The following KLHL7 variants were observed in gnomAD, a reference collection of about 807,000 sequenced individuals.
KLHL7 encodes the protein kelch-like protein 7.
In KLHL7, 44 loss-of-function variants were observed where a neutral mutation model predicts 67.4. That is an observed-to-expected ratio of 0.65 (90% CI 0.51 to 0.84). The LOEUF is 0.84. Ranked by LOEUF, KLHL7 falls within the 40% of genes least tolerant of loss-of-function variation. KLHL7 has a pLI of 0.00. For missense variants in KLHL7, 362 were observed against 718.1 expected (o/e 0.50, Z 5.67); for synonymous variants, 252 against 243.3 (o/e 1.04, Z -0.33).
At chr7:23,124,935 A>T (rs1415635180) in intron 3 of KLHL7, 113 bp from the exon 4 acceptor site, 5 of 1,157,878 alleles carry the variant, frequency 4.3e-6, no homozygotes, top group Non-Finnish European at 6.4e-6. Flanking sequence ...TAATTCAAGG[A>T]CTGAAAGTTT....
intron 7 of KLHL7, 48 bp downstream of exon 7, chr7:23,152,257 G>A (rs757343335): frequency 6.5e-7 from 1 of 1,548,114 alleles, no homozygotes; most frequent in African/African-American, 1.4e-5. Context: ...TGAAATCACT[G>A]AACACATAAG....
At chr7:23,106,689 A>G in intron 1 of KLHL7, 2 of 1,006,438 alleles carry the variant, frequency 2.0e-6, no homozygotes, top group Middle Eastern at 5.1e-4. Context: ...GATAAATACC[A>G]TGCCATCTTC....
At chr7:23,141,829 T>C (rs1283259436) in intron 5 of KLHL7, among the ~76,000 whole-genome samples, 1 of 152,140 alleles carries the variant, frequency 6.6e-6, no homozygotes, top group African/African-American at 2.4e-5. Flanking sequence ...TTCACCGTGT[T>C]AGCCAGGATG....
chr7:23,164,590 C>T (rs572884690), intron 7 of KLHL7, among the ~76,000 whole-genome samples: 12 of 149,970 alleles, frequency 8.0e-5, no homozygotes, highest in South Asian at 4.2e-4. Flanking sequence ...GAGTAACCTA[C>T]GGGGATATTA....
At chr7:23,106,773 T>C in intron 1 of KLHL7, 2 of 985,570 alleles carry the variant, frequency 2.0e-6, no homozygotes, top group Non-Finnish European at 2.4e-6. Context: ...ATTCGTGAAA[T>C]TCTGCAGCAC....
intron 9 of KLHL7, among the ~76,000 whole-genome samples, chr7:23,171,584 T>C (rs374200114): frequency 3.3e-4 from 50 of 152,300 alleles, no homozygotes; most frequent in African/African-American, 1.2e-3. Context: ...CAGAGAACTT[T>C]GAAAATGAGA....
chr7:23,131,101 G>A (rs1783781628), intron 4 of KLHL7, among the ~76,000 whole-genome samples: 1 of 152,096 alleles, frequency 6.6e-6, no homozygotes, highest in African/African-American at 2.4e-5. Flanking sequence ...TTAAAAATCC[G>A]AATCATTTTA....
chr7:23,107,360 G>T (rs932896813), intron 1 of KLHL7, among the ~76,000 whole-genome samples: 3 of 152,130 alleles, frequency 2.0e-5, no homozygotes, highest in Non-Finnish European at 2.9e-5. Context: ...CAAATTGCTG[G>T]TGCATTTAGC....
chr7:23,127,778 G>A (rs1439750508), intron 4 of KLHL7, among the ~76,000 whole-genome samples: 1 of 152,110 alleles, frequency 6.6e-6, no homozygotes, highest in Non-Finnish European at 1.5e-5. Flanking sequence ...GGAGGCCGAG[G>A]CGGGAAAATC....
At chr7:23,159,308 C>A (rs571296704) in intron 7 of KLHL7, among the ~76,000 whole-genome samples, 1 of 152,006 alleles carries the variant, frequency 6.6e-6, no homozygotes, top group Non-Finnish European at 1.5e-5. Flanking sequence ...GGACTACAGG[C>A]GTGCATCACC....
At chr7:23,106,621 G>C (rs1393871883) in intron 1 of KLHL7, 1 of 1,038,324 alleles carries the variant, frequency 9.6e-7, no homozygotes, top group African/African-American at 1.7e-5. Context: ...GTTCCCCGGT[G>C]GAGCTAGTTG....
chr7:23,165,715 C>T lies in KLHL7; in HGVS notation c.954C>T (p.Asp318=), dbSNP rs142577273. 3.7e-5 allele frequency: 60 copies of T among 1,613,992 alleles called. No homozygotes were observed. In the African/African-American group the frequency reaches 7.9e-4, roughly 21 times the overall value. ...TGCTACAGGATTATAGCTGGACAGACATCCGCTGCCCCTTTGAAAAACGAA... is the reference window on the plus strand; with the variant it reads ...TGCTACAGGATTATAGCTGGACAGATATCCGCTGCCCCTTTGAAAAACGAA... ...YFNPKDYSWT[D]IRCPFEKRRD... Residue 318 remains aspartate (D), a synonymous_variant, in exon 8 of 11, where the codon GAC becomes GAT. Coordinates refer to ENST00000339077, the MANE Select transcript of KLHL7 (RefSeq NM_001031710.3).
chr7:23,143,845 C>A lies in KLHL7; in HGVS notation c.619-6C>A, dbSNP rs1225074840. On this transcript the variant is annotated splice_region_variant and splice_polypyrimidine_tract_variant and intron_variant, in intron 5 of 10. Transcript: ENST00000339077. ...AGAACTTTACTGTGCTGTTTTTCCC[C>A]CTTAGGTTTATGATGCTGCAGTCAG... is the stretch of plus-strand genomic sequence containing the variant. 4 of 1,613,920 alleles carry A rather than the reference C, an allele frequency of 2.5e-6. No individual in the cohort carries two copies. Among genetic ancestry groups the A allele is most frequent in the South Asian group, 1.1e-5 (1 of 91,070 alleles).
In KLHL7 at chr7:23,114,129, T is replaced by A. The variant is rs539593018; in HGVS notation, c.120+7983T>A. ...TTTTATTAATGGTAAAGTTACTCTG[T>A]TGAGGGCTACCTTGTTGTATTTAAG... On this transcript the variant is annotated intron_variant, in intron 1 of 10. Coordinates refer to ENST00000339077, the MANE Select transcript of KLHL7 (RefSeq NM_001031710.3). 5.3e-5 allele frequency among the ~76,000 whole-genome samples: 8 copies of A among 152,336 alleles called. No individual in the cohort carries two copies. The South Asian group carries it at 1.7e-3, about 32-fold the overall frequency.
At chr7:23,118,711 T>G (rs1438652536) in intron 1 of KLHL7, among the ~76,000 whole-genome samples, 1 of 152,218 alleles carries the variant, frequency 6.6e-6, no homozygotes, top group Non-Finnish European at 1.5e-5. Flanking sequence ...CTCAGTATCA[T>G]TTTTGATTAT....
chr7:23,116,816 A>C (rs907782718), intron 1 of KLHL7, among the ~76,000 whole-genome samples: 1 of 152,158 alleles, frequency 6.6e-6, no homozygotes, highest in Non-Finnish European at 1.5e-5. Context: ...ACTCTCCCTT[A>C]CAGTCTTAAT....
chr7:23,152,294 A>G, intron 7 of KLHL7, 85 bp downstream of exon 7: 1 of 1,196,992 alleles, frequency 8.4e-7, no homozygotes, highest in Non-Finnish European at 1.2e-6. Flanking sequence ...AGTAGTAATA[A>G]CTCATACCTT....
In KLHL7 at chr7:23,106,092, A is replaced by G; in HGVS notation, c.66A>G (p.Glu22=). ...CCGAGAAGAAACTTGCTGCTCGGGAAGAAGCTAAATTGTTGGCGGGTTTCA... is the reference window on the plus strand; with the variant it reads ...CCGAGAAGAAACTTGCTGCTCGGGAGGAAGCTAAATTGTTGGCGGGTTTCA... ...KKTEKKLAAR[E]EAKLLAGFMG... is the part of the protein sequence containing the mutation. The change falls in exon 1 of 11, where the codon GAA becomes GAG. Residue 22 remains glutamate, a synonymous_variant. Coordinates refer to ENST00000339077, the MANE Select transcript of KLHL7 (RefSeq NM_001031710.3). 6.2e-7 allele frequency: 1 copy of G among 1,609,434 alleles called. No individual in the cohort carries two copies. The highest frequency in any genetic ancestry group is 8.5e-7 in the Non-Finnish European group (1 of 1,178,220).
At chr7:23,129,638 C>T (rs982626576) in intron 4 of KLHL7, 1 of 174,786 alleles carries the variant, frequency 5.7e-6, no homozygotes, top group Non-Finnish European at 1.2e-5. Flanking sequence ...TGGGAAGCCT[C>T]TCATTCGGCC....
Sources: allele counts gnomAD v4.1 joint callset (sites outside exome capture counted in the v4.1 genomes callset), GRCh38; gene constraint gnomAD v4.1.1; transcripts MANE v1.5; gene names NCBI Gene and HGNC (gene_info 2026-07-23, HGNC 2026-07-21).